The following DRG1 variants were observed in gnomAD, a reference collection of about 807,000 sequenced individuals.
The protein encoded by DRG1 is developmentally-regulated GTP-binding protein 1.
Under a neutral mutation model 38.8 loss-of-function variants are expected in DRG1, and 19 were observed. The ratio of observed to expected loss-of-function variants is 0.49; its 90% CI spans 0.34 to 0.72. The LOEUF (loss-of-function observed/expected upper bound fraction) is 0.72. Among genes scored for constraint, DRG1 ranks in the 30% least tolerant of loss-of-function variants. The probability of loss-of-function intolerance (pLI) is 0.01; values close to 1 mark genes in which losing one functional copy is unlikely to be tolerated. For missense variants in DRG1, 299 were observed against 444.8 expected (o/e 0.67, Z 2.95); for synonymous variants, 167 against 157.5 (o/e 1.06, Z -0.45).
chr22:31,429,872 A>G (rs1376581321), intron 8 of DRG1, among the ~76,000 whole-genome samples: 4 of 152,046 alleles, frequency 2.6e-5, no homozygotes, highest in Non-Finnish European at 4.4e-5. Flanking sequence ...CTGGTCTCCA[A>G]TGCCTGGGCT....
chr22:31,403,977 C>CTTT (rs11295429), intron 3 of DRG1, among the ~76,000 whole-genome samples: 1,961 of 81,686 alleles, frequency 0.024, 10 homozygotes, highest in East Asian at 0.047. Flanking sequence ...AAGAGAATAA[C>CTTT]TTTTTTTTTT....
At chr22:31,414,204 C>T (rs998483496) in intron 4 of DRG1, among the ~76,000 whole-genome samples, 3 of 152,084 alleles carry the variant, frequency 2.0e-5, no homozygotes, top group African/African-American at 4.8e-5. Context: ...TCATCTAGTT[C>T]TTTGGTTTTA....
At chr22:31,418,331 T>C (rs1569048789) in intron 4 of DRG1, among the ~76,000 whole-genome samples, 1 of 151,654 alleles carries the variant, frequency 6.6e-6, no homozygotes, top group Non-Finnish European at 1.5e-5. Flanking sequence ...ATGGCACACA[T>C]GTGTAGTCCC....
intron 3 of DRG1, among the ~76,000 whole-genome samples, chr22:31,404,172 C>T (rs760776391): frequency 3.2e-4 from 48 of 151,570 alleles, no homozygotes; most frequent in Non-Finnish European, 2.2e-4. Context: ...TTGTCCTCTG[C>T]CTCTGTTTTT....
In DRG1 at chr22:31,413,915, A is replaced by G. The variant is rs12169907; in HGVS notation, c.412+2834A>G. Among the ~76,000 whole-genome samples, 872 of 151,940 alleles carry G rather than the reference A, an allele frequency of 5.7e-3. 11 individuals are homozygous for G. Among genetic ancestry groups the G allele is most frequent in the African/African-American group, 0.019 (808 of 41,438 alleles). The stretch of plus-strand genomic sequence containing the variant: ...AGGGGTGAGCCACCGGGCCCTCCCG[A>G]CACCTGTCTATTCTTAACAAGAACA... On this transcript the variant is annotated intron_variant, in intron 4 of 8. Transcript: ENST00000331457.
chr22:31,413,295 C>G (rs1051096281), intron 4 of DRG1, among the ~76,000 whole-genome samples: 7 of 152,064 alleles, frequency 4.6e-5, no homozygotes, highest in African/African-American at 7.2e-5. Flanking sequence ...GGGTCTTGCT[C>G]TGTTGCCCAG....
chr22:31,429,616 C>G (rs1435311531), intron 8 of DRG1, among the ~76,000 whole-genome samples: 1 of 151,390 alleles, frequency 6.6e-6, no homozygotes. Flanking sequence ...CCATTAGGAA[C>G]TCTTTCATGT....
intron 3 of DRG1, among the ~76,000 whole-genome samples, chr22:31,406,965 C>A (rs994316690): frequency 2.0e-5 from 3 of 152,044 alleles, no homozygotes; most frequent in African/African-American, 7.3e-5. Flanking sequence ...TCTTTTGTGA[C>A]CTTGTCACTC....
At chr22:31,415,570 C>T (rs987925863) in intron 4 of DRG1, among the ~76,000 whole-genome samples, 1 of 152,138 alleles carries the variant, frequency 6.6e-6, no homozygotes. Flanking sequence ...CCATGTTGGC[C>T]AGGCTTGTCT....
At chr22:31,402,220 G>C (rs2049965724) in intron 2 of DRG1, among the ~76,000 whole-genome samples, 1 of 152,002 alleles carries the variant, frequency 6.6e-6, no homozygotes. Context: ...AAAAGGAATG[G>C]CGTAAGATCT....
chr22:31,419,355 A>C (rs2050062806), intron 4 of DRG1, among the ~76,000 whole-genome samples: 2 of 150,250 alleles, frequency 1.3e-5, no homozygotes, highest in Non-Finnish European at 3.0e-5. Flanking sequence ...ACAAAAGACT[A>C]CTTTTTTTTT....
At chr22:31,416,840 T>C (rs1460760342) in intron 4 of DRG1, among the ~76,000 whole-genome samples, 2 of 148,788 alleles carry the variant, frequency 1.3e-5, no homozygotes, top group Non-Finnish European at 3.0e-5. Flanking sequence ...GCGGCAGAGG[T>C]TGTAGTGAGC....
rs2049959142 is a variant in DRG1 at position 31,401,238 on chromosome 22, CT to C, written c.166+496del. ...GTTCGGAACCAGCAAAGCCCTGTCT[CT>C]ATGGGCTTAGAAATGAGGGGTCCCC... On this transcript the variant is annotated intron_variant, in intron 2 of 8. Transcript: ENST00000331457. Among the ~76,000 whole-genome samples the C allele has an allele frequency of 5.4e-5, 8 of 147,490 alleles. No homozygotes were observed. The Admixed American group carries it at 5.5e-4, about 10-fold the overall frequency.
Position 31,405,193 on chromosome 22 carries a change from G to T in DRG1, c.342+1989G>T, listed in dbSNP as rs373862494. Reference sequence around the variant, plus strand: ...TTTTCTTTTTTTTTTTTTTGAGACAGAGTCTTGCTGTGTCACCCAGGCTGG... The same window carrying T: ...TTTTCTTTTTTTTTTTTTTGAGACATAGTCTTGCTGTGTCACCCAGGCTGG... On this transcript the variant is annotated intron_variant, in intron 3 of 8. Coordinates refer to ENST00000331457, the MANE Select transcript of DRG1 (RefSeq NM_004147.4). Among the ~76,000 whole-genome samples, 54 of 147,986 alleles carry T rather than the reference G, an allele frequency of 3.6e-4. No homozygotes were observed. In the East Asian group the frequency reaches 9.3e-3, roughly 25 times the overall value.
intron 8 of DRG1, among the ~76,000 whole-genome samples, chr22:31,432,657 A>G (rs1381539754): frequency 1.3e-5 from 2 of 151,674 alleles, no homozygotes; most frequent in Non-Finnish European, 2.9e-5. Context: ...CGATCTCTTG[A>G]CCTCATGATC....
rs917537943 is a variant in DRG1 at position 31,426,598 on chromosome 22, T to C, written c.714-17T>C. ...ACAACTCCAGACTAATACCCTGTTT[T>C]TCTTCACTTTCTGTAGAGTTTATAT... On this transcript the variant is annotated splice_polypyrimidine_tract_variant and intron_variant, in intron 6 of 8. Transcript: ENST00000331457. 2.5e-6 allele frequency: 4 copies of C among 1,600,582 alleles called. No individual in the cohort carries two copies. The Admixed American group carries it at 5.2e-5, about 21-fold the overall frequency.
At chr22:31,416,662 T>C (rs1361587858) in intron 4 of DRG1, among the ~76,000 whole-genome samples, 1 of 152,078 alleles carries the variant, frequency 6.6e-6, no homozygotes, top group Non-Finnish European at 1.5e-5. Context: ...TCCAGCACTT[T>C]GGGAGGCTGA....
chr22:31,433,956 A>G lies in DRG1; in HGVS notation c.1089A>G (p.Gln363=). ...CGTTGGAGGATGAGGATGTCATTCA[A>G]ATTGTGAAGAAGTGAAACCTTTCCC... is the stretch of plus-strand genomic sequence containing the variant. ...DHTLEDEDVI[Q]IVKK is the part of the protein sequence containing the mutation. The change falls in exon 9 of 9, where the codon CAA becomes CAG. Residue 363 remains glutamine (Q), a synonymous_variant. Transcript: ENST00000331457. 6.2e-7 allele frequency: 1 copy of G among 1,613,998 alleles called. No homozygotes were observed. The highest frequency in any genetic ancestry group is 2.2e-5 in the East Asian group (1 of 44,882).
chr22:31,403,978 T>G (rs12485107), intron 3 of DRG1, among the ~76,000 whole-genome samples: 17 of 2,654 alleles, frequency 6.4e-3, no homozygotes, highest in Non-Finnish European at 0.01. Context: ...AGAGAATAAC[T>G]TTTTTTTTTT....
Sources: gnomAD v4.1 joint callset for allele counts (sites outside exome capture counted in the v4.1 genomes callset) on GRCh38, gnomAD v4.1.1 for gene constraint, MANE v1.5 for transcripts, NCBI Gene and HGNC (gene_info 2026-07-23, HGNC 2026-07-21) for gene names.